WDR70: variants seen among roughly 807,000 people sequenced by gnomAD.
The protein encoded by WDR70 is WD repeat-containing protein 70.
WDR70 carries 53 observed loss-of-function variants against 88.6 expected under a neutral mutation model. The ratio of observed to expected loss-of-function variants is 0.60; its 90% CI spans 0.48 to 0.75. WDR70 has a LOEUF of 0.75. Among genes scored for constraint, WDR70 ranks in the 30% least tolerant of loss-of-function variants. The pLI, the probability that WDR70 is intolerant of heterozygous loss-of-function variation, is 0.00. For synonymous variants in WDR70, 280 were observed against 270.0 expected, an observed-to-expected ratio of 1.04 and a Z score of -0.36; for missense variants, 610 against 823.2, an observed-to-expected ratio of 0.74 and a Z score of 3.17.
At chr5:37,411,449 G>C (rs973070728) in intron 5 of WDR70, among the ~76,000 whole-genome samples, 1 of 151,584 alleles carries the variant, frequency 6.6e-6, no homozygotes, top group Non-Finnish European at 1.5e-5. Flanking sequence ...TTTTTGGCCA[G>C]ATGCAGTGGC....
intron 5 of WDR70, among the ~76,000 whole-genome samples, chr5:37,409,881 A>C (rs1749469126): frequency 6.6e-6 from 1 of 152,168 alleles, no homozygotes; most frequent in African/African-American, 2.4e-5. Context: ...ATTATAATTC[A>C]TTCCTCAGTT....
At chr5:37,575,317 C>G (rs11748123) in intron 9 of WDR70, among the ~76,000 whole-genome samples, 62,939 of 151,958 alleles carry the variant, frequency 0.41, 15,188 homozygotes, top group Non-Finnish European at 0.54. Flanking sequence ...TGATGGCGCA[C>G]CTTCTACAGA....
intron 3 of WDR70, among the ~76,000 whole-genome samples, chr5:37,381,970 T>C (rs1336488640): frequency 6.6e-6 from 1 of 150,632 alleles, no homozygotes; most frequent in Non-Finnish European, 1.5e-5. Flanking sequence ...GTGGCTTCAG[T>C]TGAAGTCGGG....
At chr5:37,744,715 C>T (rs1272198978) in intron 17 of WDR70, among the ~76,000 whole-genome samples, 1 of 151,500 alleles carries the variant, frequency 6.6e-6, no homozygotes, top group South Asian at 2.1e-4. Flanking sequence ...TGAAATAAGA[C>T]ATGCAGACAA....
chr5:37,713,119 G>C (rs532879590), intron 13 of WDR70, among the ~76,000 whole-genome samples: 5 of 152,150 alleles, frequency 3.3e-5, no homozygotes, highest in Non-Finnish European at 7.3e-5. Context: ...TAGGAATCCA[G>C]ATTCAAACCC....
At chr5:37,450,684 A>G (rs915232226) in intron 7 of WDR70, among the ~76,000 whole-genome samples, 1 of 152,162 alleles carries the variant, frequency 6.6e-6, no homozygotes, top group African/African-American at 2.4e-5. Flanking sequence ...ATGTCTTTTA[A>G]TTTGATATTC....
intron 3 of WDR70, among the ~76,000 whole-genome samples, chr5:37,385,456 C>G (rs1412401556): frequency 7.3e-6 from 1 of 137,172 alleles, no homozygotes. Context: ...GTGGTTGAGG[C>G]TGCAGTGAGC....
chr5:37,678,858 T>C (rs1488807672), intron 10 of WDR70, among the ~76,000 whole-genome samples: 2 of 152,248 alleles, frequency 1.3e-5, no homozygotes, highest in Admixed American at 1.3e-4. Context: ...CCCCGTCACT[T>C]TCAGGTACAC....
intron 9 of WDR70, among the ~76,000 whole-genome samples, chr5:37,561,306 C>T (rs1053987004): frequency 7.2e-5 from 11 of 152,062 alleles, no homozygotes; most frequent in African/African-American, 1.4e-4. Context: ...AAAAATGGAC[C>T]GATCTAACTA....
intron 8 of WDR70, among the ~76,000 whole-genome samples, chr5:37,498,178 G>A (rs1740289270): frequency 6.6e-6 from 1 of 152,120 alleles, no homozygotes; most frequent in South Asian, 2.1e-4. Context: ...CTATTCATTT[G>A]CTTATGAAAA....
intron 9 of WDR70, among the ~76,000 whole-genome samples, chr5:37,584,195 T>C (rs1187345545): frequency 1.3e-5 from 2 of 152,240 alleles, no homozygotes; most frequent in African/African-American, 4.8e-5. Context: ...TTTAGAATAG[T>C]GCATACTTCA....
chr5:37,484,982 A>T lies in WDR70; in HGVS notation c.840+4995A>T, dbSNP rs140453431. 5.6e-3 allele frequency among the ~76,000 whole-genome samples: 855 copies of T among 152,346 alleles called. 4 individuals are homozygous for T. The highest frequency in any genetic ancestry group is 0.017 in the Middle Eastern group (5 of 294). Reference sequence around the variant, plus strand: ...GCTAACATTGATAGTATAGATAAACATACCTGATCTCTAGCAGGAGGAACT... The same window carrying T: ...GCTAACATTGATAGTATAGATAAACTTACCTGATCTCTAGCAGGAGGAACT... On this transcript the variant is annotated intron_variant, in intron 8 of 17. Coordinates refer to ENST00000265107, the MANE Select transcript of WDR70 (RefSeq NM_018034.4).
intron 9 of WDR70, among the ~76,000 whole-genome samples, chr5:37,536,784 G>A (rs1236233639): frequency 6.6e-6 from 1 of 151,872 alleles, no homozygotes; most frequent in African/African-American, 2.4e-5. Context: ...AAAAAATTCT[G>A]CTCTATTTAG....
At chr5:37,610,818 A>G (rs544614797) in intron 10 of WDR70, among the ~76,000 whole-genome samples, 1 of 152,304 alleles carries the variant, frequency 6.6e-6, no homozygotes, top group Non-Finnish European at 1.5e-5. Context: ...TTGGATGAGC[A>G]ACAGGATTAA....
Position 37,538,827 on chromosome 5 carries a change from A to G in WDR70, c.917+22237A>G, listed in dbSNP as rs533371054. 2.0e-5 allele frequency among the ~76,000 whole-genome samples: 3 copies of G among 152,350 alleles called. No homozygotes were observed. In the South Asian group the frequency reaches 6.2e-4, roughly 32 times the overall value. On this transcript the variant is annotated intron_variant, in intron 9 of 17. Transcript: ENST00000265107. ...GGAAGTAAATGTTAATGAAAACCAG[A>G]TGATAATGAAGATTAAAAAATGCTT...
intron 9 of WDR70, among the ~76,000 whole-genome samples, chr5:37,527,584 T>G (rs1207029149): frequency 6.6e-6 from 1 of 152,184 alleles, no homozygotes; most frequent in Admixed American, 6.6e-5. Flanking sequence ...CAAGGACTTA[T>G]GTCTAAAACA....
intron 7 of WDR70, among the ~76,000 whole-genome samples, chr5:37,463,492 C>A (rs1739072197): frequency 6.6e-6 from 1 of 152,114 alleles, no homozygotes; most frequent in African/African-American, 2.4e-5. Context: ...GCTAGCTGAG[C>A]AAAAACTACT....
At chr5:37,524,480 G>A (rs568977624) in intron 9 of WDR70, among the ~76,000 whole-genome samples, 18 of 152,234 alleles carry the variant, frequency 1.2e-4, no homozygotes, top group Non-Finnish European at 1.5e-4. Flanking sequence ...CCTGAAGGAA[G>A]CACTAAACAT....
At chr5:37,398,772 A>G (rs1749106851) in intron 5 of WDR70, among the ~76,000 whole-genome samples, 1 of 152,226 alleles carries the variant, frequency 6.6e-6, no homozygotes, top group Non-Finnish European at 1.5e-5. Flanking sequence ...GTTTTACAGT[A>G]AGTTCCAGAA....
Sources: allele counts gnomAD v4.1 joint callset (sites outside exome capture counted in the v4.1 genomes callset), GRCh38; gene constraint gnomAD v4.1.1; transcripts MANE v1.5; gene names NCBI Gene and HGNC (gene_info 2026-07-23, HGNC 2026-07-21).